SEMA3A: variants seen among roughly 807,000 people sequenced by gnomAD.
SEMA3A encodes the protein semaphorin 3A.
In SEMA3A, 29 loss-of-function variants were observed where a neutral mutation model predicts 97.9. The observed-to-expected ratio is 0.30, with a 90% confidence interval of 0.22 to 0.40. The LOEUF is 0.40. Among genes scored for constraint, SEMA3A ranks in the 10% least tolerant of loss-of-function variants. The pLI is 1.00. For synonymous variants in SEMA3A, 321 were observed against 323.7 expected (o/e 0.99, Z 0.09); for missense variants, 763 against 951.3 (o/e 0.80, Z 2.60).
chr7:84,286,654 T>C (rs1454405967), intron 3 of SEMA3A, among the ~76,000 whole-genome samples: 1 of 152,052 alleles, frequency 6.6e-6, no homozygotes, highest in Non-Finnish European at 1.5e-5. Context: ...TGAGTAAAAG[T>C]TCAGAGAAAT....
rs1315663226 is a variant in SEMA3A, at chr7:84,064,293, T to C, written c.454-3735A>G. Among the ~76,000 whole-genome samples the C allele has an allele frequency of 3.4e-3, 512 of 150,578 alleles. 7 individuals carry two copies. The highest frequency in any genetic ancestry group is 0.011 in the African/African-American group (441 of 40,092). ...AGCACTAAACATGGAAAGGAACAAC[T>C]GGTACCAGCCACTGCAAAATCATGC... On this transcript the variant is annotated intron_variant, in intron 4 of 16. Transcript: ENST00000265362.
At chr7:84,046,491 AAAAACAAAAC>A (rs752121396) in intron 5 of SEMA3A, 48 bp from the exon 6 acceptor site, 2 of 1,605,796 alleles carry the variant, frequency 1.2e-6, no homozygotes, top group African/African-American at 1.3e-5. Flanking sequence ...CAATTAAGGC[AAAAACAAAAC>A]AAAACAAAAC....
chr7:84,173,338 C>T (rs1445810250), intron 1 of SEMA3A, among the ~76,000 whole-genome samples: 1 of 151,840 alleles, frequency 6.6e-6, no homozygotes, highest in African/African-American at 2.4e-5. Flanking sequence ...GGTGAATCAC[C>T]TGAGATCAGG....
intron 1 of SEMA3A, among the ~76,000 whole-genome samples, chr7:84,413,613 G>T (rs1173420052): frequency 6.6e-6 from 1 of 152,030 alleles, no homozygotes; most frequent in African/African-American, 2.4e-5. Flanking sequence ...GGGTGACAGG[G>T]TGTCAGAGTG....
At chr7:84,360,089 G>C (rs1166750234) in intron 2 of SEMA3A, among the ~76,000 whole-genome samples, 1 of 151,454 alleles carries the variant, frequency 6.6e-6, no homozygotes, top group African/African-American at 2.4e-5. Context: ...CAAAAAACCA[G>C]CTCCTGGTTT....
chr7:84,433,495 G>C (rs1234538), intron 1 of SEMA3A, among the ~76,000 whole-genome samples: 1 of 151,876 alleles, frequency 6.6e-6, no homozygotes, highest in Non-Finnish European at 1.5e-5. Flanking sequence ...ATTTGGGTTC[G>C]TTCCAAGTCT....
chr7:84,117,061 T>C (rs1260393886), intron 3 of SEMA3A, among the ~76,000 whole-genome samples: 1 of 152,148 alleles, frequency 6.6e-6, no homozygotes, highest in African/African-American at 2.4e-5. Context: ...CAGAATTAGA[T>C]ATTAAAAAGG....
upstream of SEMA3A, chr7:84,194,804 A>G (rs2116279164): frequency 2.9e-6 from 1 of 339,720 alleles, no homozygotes; most frequent in Non-Finnish European, 5.3e-6. Context: ...AAGAAAAAAA[A>G]AAAAAAAAAT....
At chr7:84,063,850 A>T (rs1013853402) in intron 4 of SEMA3A, among the ~76,000 whole-genome samples, 1 of 149,898 alleles carries the variant, frequency 6.7e-6, no homozygotes, top group Non-Finnish European at 1.5e-5. Flanking sequence ...ACTCTGCAGG[A>T]TATTATCCAG....
chr7:84,323,539 T>C (rs1407572092), intron 2 of SEMA3A, among the ~76,000 whole-genome samples: 1 of 151,956 alleles, frequency 6.6e-6, no homozygotes, highest in Non-Finnish European at 1.5e-5. Context: ...GTACTTGCAA[T>C]GTACAAAGAG....
At chr7:84,484,945 T>G (rs1462073324) in intron 1 of SEMA3A, among the ~76,000 whole-genome samples, 1 of 152,244 alleles carries the variant, frequency 6.6e-6, no homozygotes, top group Non-Finnish European at 1.5e-5. Flanking sequence ...GGCATGTTTG[T>G]ACATATTTAC....
At chr7:84,386,999 CA>C (rs1186158355) in intron 1 of SEMA3A, among the ~76,000 whole-genome samples, 1 of 123,498 alleles carries the variant, frequency 8.1e-6, no homozygotes, top group African/African-American at 3.5e-5. Flanking sequence ...TGCTCCGTCT[CA>C]AAAAAAGAAA....
At chr7:84,207,654 T>A (rs1008171470) in intron 3 of SEMA3A, among the ~76,000 whole-genome samples, 6 of 152,200 alleles carry the variant, frequency 3.9e-5, no homozygotes, top group African/African-American at 1.4e-4. Flanking sequence ...TTGACAAAAA[T>A]GGCTTTCATT....
intron 3 of SEMA3A, among the ~76,000 whole-genome samples, chr7:84,126,602 A>C (rs1054225085): frequency 6.6e-6 from 1 of 152,176 alleles, no homozygotes; most frequent in African/African-American, 2.4e-5. Flanking sequence ...AAAAGCTATA[A>C]ATAGGTAAAT....
intron 1 of SEMA3A, among the ~76,000 whole-genome samples, chr7:84,467,887 G>A (rs1474219158): frequency 6.6e-6 from 1 of 152,028 alleles, no homozygotes; most frequent in Non-Finnish European, 1.5e-5. Context: ...CATTATTATA[G>A]TATTTTTATA....
chr7:84,483,422 G>T (rs1806494152), intron 1 of SEMA3A, among the ~76,000 whole-genome samples: 1 of 152,094 alleles, frequency 6.6e-6, no homozygotes, highest in Non-Finnish European at 1.5e-5. Context: ...TTTTCACTGG[G>T]CAGGCCCCTT....
chr7:84,036,275 G>T lies in SEMA3A; in HGVS notation c.667+10049C>A, dbSNP rs111720775. Among the ~76,000 whole-genome samples, 936 of 152,216 alleles carry T rather than the reference G, an allele frequency of 6.1e-3. 9 individuals carry two copies. The highest frequency in any genetic ancestry group is 0.021 in the African/African-American group (880 of 41,554). ...GAATATGATCCTATAGATGTATTAA[G>T]ACTTCTAGGGTTTTTCATTAGATAA... On this transcript the variant is annotated intron_variant, in intron 6 of 16. Coordinates refer to ENST00000265362, the MANE Select transcript of SEMA3A (RefSeq NM_006080.3).
At chr7:84,091,163 GGAAGGAAAGAAAGAAAGAAAGAAAGAAA>G (rs1371343794) in intron 4 of SEMA3A, among the ~76,000 whole-genome samples, 705 of 25,622 alleles carry the variant, frequency 0.028, 11 homozygotes, top group African/African-American at 0.079. Flanking sequence ...AAGGAAGGAA[GGAAGGAAAGAAAGAAAGAAAGAAAGAAA>G]GAAAGAAAGA....
At chr7:84,018,117 A>G (rs1408250754) in intron 6 of SEMA3A, among the ~76,000 whole-genome samples, 1 of 152,176 alleles carries the variant, frequency 6.6e-6, no homozygotes, top group African/African-American at 2.4e-5. Context: ...TCAAATCGAC[A>G]AATATACATC....
Sources: gnomAD v4.1 joint callset for allele counts (sites outside exome capture counted in the v4.1 genomes callset) on GRCh38, gnomAD v4.1.1 for gene constraint, MANE v1.5 for transcripts, NCBI Gene and HGNC (gene_info 2026-07-23, HGNC 2026-07-21) for gene names.